The following ENOX1 variants were observed in gnomAD, a reference collection of about 807,000 sequenced individuals.
ENOX1 encodes the protein ecto-NOX disulfide-thiol exchanger 1.
A neutral mutation model predicts 82.5 loss-of-function variants in ENOX1; 42 were observed. The ratio of observed to expected loss-of-function variants is 0.51; its 90% confidence interval spans 0.40 to 0.66. ENOX1 has a LOEUF of 0.66. ENOX1 is among the 30% of genes least tolerant of loss of function. The pLI is 0.00. For missense variants in ENOX1, 608 were observed against 811.6 expected (o/e 0.75, Z 3.05); for synonymous variants, 271 against 282.2 (o/e 0.96, Z 0.40).
intron 9 of ENOX1, among the ~76,000 whole-genome samples, chr13:43,335,983 A>T (rs2048685683): frequency 6.6e-6 from 1 of 152,220 alleles, no homozygotes; most frequent in African/African-American, 2.4e-5. Context: ...CACTTAATGC[A>T]TTGGCAAATA....
At chr13:43,373,762 C>T (rs528702233) in intron 5 of ENOX1, among the ~76,000 whole-genome samples, 2 of 152,374 alleles carry the variant, frequency 1.3e-5, no homozygotes, top group South Asian at 2.1e-4. Context: ...CATACTCCCC[C>T]ATAGCTTGTC....
chr13:43,435,250 A>C (rs1486393573), intron 3 of ENOX1, among the ~76,000 whole-genome samples: 1 of 151,972 alleles, frequency 6.6e-6, no homozygotes, highest in Non-Finnish European at 1.5e-5. Context: ...CCTATGGAGC[A>C]CTCCACGCTG....
intron 2 of ENOX1, among the ~76,000 whole-genome samples, chr13:43,664,630 C>A (rs2084890835): frequency 6.6e-6 from 1 of 152,180 alleles, no homozygotes; most frequent in Admixed American, 6.5e-5. Context: ...AACCTATAGA[C>A]ATGCCCACAA....
At chr13:43,625,905 T>C (rs1186154638) in intron 2 of ENOX1, among the ~76,000 whole-genome samples, 1 of 151,946 alleles carries the variant, frequency 6.6e-6, no homozygotes, top group Non-Finnish European at 1.5e-5. Flanking sequence ...GAAGAGACTC[T>C]GTAGAATTAG....
intron 1 of ENOX1, among the ~76,000 whole-genome samples, chr13:43,685,873 AAC>A (rs60259011): frequency 0.13 from 18,308 of 141,340 alleles, 1,281 homozygotes; most frequent in South Asian, 0.24. Flanking sequence ...CCCAGAAGGA[AAC>A]ACACACACAC....
Position 43,370,323 on chromosome 13 carries a change from C to T in ENOX1, c.209-8871G>A, listed in dbSNP as rs570690558. On this transcript the variant is annotated intron_variant, in intron 5 of 16. Transcript: ENST00000690772. Reference sequence around the variant, plus strand: ...CGGAGCTTGTAGTGAGCCGAGATCGCGCCACTGCAGTCCAGCCTGGGCAAC... The same window carrying T: ...CGGAGCTTGTAGTGAGCCGAGATCGTGCCACTGCAGTCCAGCCTGGGCAAC... Among the ~76,000 whole-genome samples, 35 of 152,034 alleles carry T rather than the reference C, an allele frequency of 2.3e-4. No homozygotes were observed. In the East Asian group the frequency reaches 3.3e-3, roughly 14 times the overall value.
chr13:43,778,342 G>A (rs1001214031), intron 1 of ENOX1, among the ~76,000 whole-genome samples: 3 of 152,116 alleles, frequency 2.0e-5, no homozygotes, highest in Admixed American at 2.0e-4. Flanking sequence ...CCCTTTGGGA[G>A]CTAGTGGCCT....
intron 3 of ENOX1, among the ~76,000 whole-genome samples, chr13:43,482,318 C>T (rs1458459929): frequency 6.6e-6 from 1 of 152,142 alleles, no homozygotes; most frequent in Non-Finnish European, 1.5e-5. Flanking sequence ...AAGGAAAATC[C>T]TGTCATATGT....
At chr13:43,756,070 T>C (rs1950624577) in intron 1 of ENOX1, among the ~76,000 whole-genome samples, 2 of 152,090 alleles carry the variant, frequency 1.3e-5, no homozygotes, top group African/African-American at 4.8e-5. Flanking sequence ...CGGGGTGACA[T>C]AGTGGAAAAG....
intron 3 of ENOX1, chr13:43,458,785 C>T (rs1041796112): frequency 1.3e-5 from 2 of 152,112 alleles, no homozygotes; most frequent in African/African-American, 2.4e-5. Context: ...AAACACACCT[C>T]GATCGTCTCA....
At chr13:43,412,193 G>C in intron 4 of ENOX1, 140 bp from the exon 5 acceptor site, 1 of 973,814 alleles carries the variant, frequency 1.0e-6, no homozygotes, top group South Asian at 1.8e-5. Context: ...ATAATCTGCA[G>C]CAATGTTTTC....
intron 2 of ENOX1, among the ~76,000 whole-genome samples, chr13:43,488,850 T>C (rs933213091): frequency 2.6e-5 from 4 of 152,204 alleles, no homozygotes; most frequent in Non-Finnish European, 4.4e-5. Flanking sequence ...TGTTATAAAA[T>C]GGCAAAGAAT....
At chr13:43,370,211 CA>C (rs1566056819) in intron 5 of ENOX1, among the ~76,000 whole-genome samples, 1 of 151,992 alleles carries the variant, frequency 6.6e-6, no homozygotes, top group African/African-American at 2.4e-5. Flanking sequence ...GCTAAAAGTA[CA>C]AAAAATTAGC....
chr13:43,459,047 A>G (rs1006134445), intron 3 of ENOX1: 2 of 152,230 alleles, frequency 1.3e-5, no homozygotes, highest in African/African-American at 4.8e-5. Flanking sequence ...GGAAGAAAAG[A>G]ACAACAGAAT....
chr13:43,458,062 A>T (rs1160226583), intron 3 of ENOX1, among the ~76,000 whole-genome samples: 4 of 152,110 alleles, frequency 2.6e-5, no homozygotes, highest in African/African-American at 9.7e-5. Context: ...GTCTAGCTCA[A>T]ATTATGTAGT....
At chr13:43,485,832 T>G (rs1413611411) in intron 2 of ENOX1, among the ~76,000 whole-genome samples, 2 of 152,200 alleles carry the variant, frequency 1.3e-5, no homozygotes, top group African/African-American at 4.8e-5. Context: ...TCCCAGCACT[T>G]TGGGAGGCCA....
At chr13:43,220,190 T>A (rs762372404) in intron 16 of ENOX1, among the ~76,000 whole-genome samples, 46 of 148,964 alleles carry the variant, frequency 3.1e-4, no homozygotes, top group Non-Finnish European at 5.6e-4. Context: ...AAAAATGTGA[T>A]GAAAGAAGGT....
At chr13:43,293,266 A>C (rs1054041391) in intron 12 of ENOX1, among the ~76,000 whole-genome samples, 3 of 152,034 alleles carry the variant, frequency 2.0e-5, no homozygotes, top group African/African-American at 7.2e-5. Flanking sequence ...CACAGTCACC[A>C]CAGCTACCTT....
Position 43,727,392 on chromosome 13 carries a change from C to T in ENOX1, c.-285+59260G>A, listed in dbSNP as rs865984254. 9.8e-5 allele frequency among the ~76,000 whole-genome samples: 15 copies of T among 152,292 alleles called. No individual in the cohort carries two copies. In the Middle Eastern group the frequency reaches 0.02, roughly 207 times the overall value. On this transcript the variant is annotated intron_variant, in intron 1 of 16. Coordinates refer to ENST00000690772, the MANE Select transcript of ENOX1 (RefSeq NM_001347969.2). The stretch of plus-strand genomic sequence containing the variant: ...CATCACTCTTAGCAGACAACTTAGA[C>T]ATAGATAAAAATGAACGGAATCCAT...
Sources: allele counts gnomAD v4.1 joint callset (sites outside exome capture counted in the v4.1 genomes callset), GRCh38; gene constraint gnomAD v4.1.1; transcripts MANE v1.5; gene names NCBI Gene and HGNC (gene_info 2026-07-23, HGNC 2026-07-21).